Variants in BACH2 observed in about 807,000 individuals in gnomAD.
BACH2 encodes BACH transcriptional regulator 2.
A neutral mutation model predicts 61.8 loss-of-function variants in BACH2; 5 were observed. That is an observed-to-expected ratio of 0.08 (90% CI 0.04 to 0.17). The LOEUF (loss-of-function observed/expected upper bound fraction) is 0.17. Ranked by LOEUF, BACH2 falls within the 10% of genes least tolerant of loss-of-function variation. BACH2 has a pLI of 1.00. For missense variants in BACH2, 824 were observed against 1,091.1 expected (o/e 0.76, Z 3.45); for synonymous variants, 446 against 440.1 (o/e 1.01, Z -0.17).
At position 90,175,184 on chromosome 6, in the gene BACH2, A is replaced by G. The variant is rs2127838944; in HGVS notation, c.-162+31385T>C. Among the ~76,000 whole-genome samples, 2 of 152,218 alleles carry G rather than the reference A, an allele frequency of 1.3e-5. 1 individual carries two copies. Among genetic ancestry groups the G allele is most frequent in the South Asian group, 4.1e-4 (2 of 4,822 alleles). On this transcript the variant is annotated intron_variant, in intron 4 of 8. Coordinates refer to ENST00000257749, the MANE Select transcript of BACH2 (RefSeq NM_021813.4). The stretch of plus-strand genomic sequence containing the variant: ...GTGAACTTTGTTAGAAATGCATTTT[A>G]AAGTCAATGTTACTTCAAGTTGGAA...
intron 6 of BACH2, among the ~76,000 whole-genome samples, chr6:89,996,156 A>G (rs1776836420): frequency 6.6e-6 from 1 of 152,186 alleles, no homozygotes. Context: ...GTAAAGCACT[A>G]CGGATACGTA....
Position 89,927,480 on chromosome 6 carries a change from AAATG to A in BACH2, c.*4924_*4927del. 1 of 152,928 alleles carries A rather than the reference AAATG, an allele frequency of 6.5e-6. No individual in the cohort carries two copies. The highest frequency in any genetic ancestry group is 2.1e-4 in the South Asian group (1 of 4,830). 9.5% of individuals were successfully genotyped at this position (152,928 alleles called of 1,614,324 possible). On this transcript the variant is annotated 3_prime_UTR_variant, in exon 9 of 9. Coordinates refer to ENST00000257749, the MANE Select transcript of BACH2 (RefSeq NM_021813.4). ...TTGGCACTGAATGTGAGTCTACCTG[AAATG>A]AATGGTCTTGGTGCACACTTCTGCT...
intron 6 of BACH2, among the ~76,000 whole-genome samples, chr6:89,960,536 C>T (rs572694911): frequency 2.0e-5 from 3 of 152,362 alleles, no homozygotes; most frequent in South Asian, 2.1e-4. Flanking sequence ...GGATGCAGTA[C>T]ATCTTTTGGT....
intron 1 of BACH2, among the ~76,000 whole-genome samples, chr6:90,275,981 AG>A (rs1771678485): frequency 6.6e-6 from 1 of 150,764 alleles, no homozygotes; most frequent in Non-Finnish European, 1.5e-5. Context: ...AAAAAAAAAA[AG>A]AAAGAAATCA....
At chr6:90,125,977 G>C (rs187696155) in intron 4 of BACH2, among the ~76,000 whole-genome samples, 1 of 152,336 alleles carries the variant, frequency 6.6e-6, no homozygotes, top group East Asian at 1.9e-4. Context: ...TACAGCAAGA[G>C]CACTATGCCA....
chr6:90,273,208 A>T (rs1328221909), intron 1 of BACH2, among the ~76,000 whole-genome samples: 2 of 148,872 alleles, frequency 1.3e-5, no homozygotes, highest in African/African-American at 4.9e-5. Flanking sequence ...GGGAAAAAAA[A>T]TTAGCCAGGC....
At chr6:90,074,980 T>C (rs1040921783) in intron 5 of BACH2, among the ~76,000 whole-genome samples, 4 of 152,176 alleles carry the variant, frequency 2.6e-5, no homozygotes, top group Admixed American at 6.5e-5. Flanking sequence ...GCTAGTTCCG[T>C]TTTAGATGTT....
intron 4 of BACH2, among the ~76,000 whole-genome samples, chr6:90,119,384 C>A (rs1783532655): frequency 6.6e-6 from 1 of 151,990 alleles, no homozygotes; most frequent in Non-Finnish European, 1.5e-5. Context: ...TCACATATAC[C>A]AAAAATCAAC....
intron 5 of BACH2, among the ~76,000 whole-genome samples, chr6:90,033,294 A>G (rs1169982847): frequency 6.6e-6 from 1 of 151,672 alleles, no homozygotes; most frequent in Non-Finnish European, 1.5e-5. Flanking sequence ...CCAACATGGC[A>G]CATGTATACA....
chr6:90,278,354 C>G (rs1450214863), intron 1 of BACH2, among the ~76,000 whole-genome samples: 2 of 152,250 alleles, frequency 1.3e-5, no homozygotes, highest in Non-Finnish European at 2.9e-5. Flanking sequence ...CAGTGCCCAG[C>G]CAAGGCATTC....
rs1777506385 is a variant in BACH2 at position 90,008,004 on chromosome 6, GT to G, written c.243+597del. The stretch of plus-strand genomic sequence containing the variant: ...TACAACTTAAACCATCCAATTAAAT[GT>G]CATCTCTGGACAGACCAGGTCCAGC... On this transcript the variant is annotated intron_variant, in intron 6 of 8. Coordinates refer to ENST00000257749, the MANE Select transcript of BACH2 (RefSeq NM_021813.4). The surrounding 1 kb of genome is among the most constrained non-coding windows in gnomAD (Gnocchi z 4.1). The G allele has an allele frequency of 6.5e-6, 1 of 154,064 alleles. No homozygotes were observed. Among genetic ancestry groups the G allele is most frequent in the Admixed American group, 6.4e-5 (1 of 15,688 alleles). 9.5% of individuals were successfully genotyped at this position (154,064 alleles called of 1,614,324 possible).
chr6:90,172,258 A>C (rs1023504725), intron 4 of BACH2, among the ~76,000 whole-genome samples: 1 of 150,704 alleles, frequency 6.6e-6, no homozygotes, highest in Non-Finnish European at 1.5e-5. Flanking sequence ...GTGAGCCGAG[A>C]TCATGCCATT....
intron 5 of BACH2, among the ~76,000 whole-genome samples, chr6:90,029,522 G>A (rs548492997): frequency 8.5e-5 from 13 of 152,108 alleles, no homozygotes; most frequent in South Asian, 2.1e-4. Flanking sequence ...TCTTTATAAC[G>A]TTTTCACATC....
At chr6:90,183,553 G>C (rs1489595927) in intron 4 of BACH2, among the ~76,000 whole-genome samples, 1 of 152,148 alleles carries the variant, frequency 6.6e-6, no homozygotes, top group Non-Finnish European at 1.5e-5. Context: ...TTAAGACAAT[G>C]GTCATTTATT....
rs138455453 is a variant in BACH2, at chr6:90,215,545, T to C, written c.-274-8864A>G. ...TAACCAATATAATACCTTAGGACTT[T>C]TTGGGGTGGGTGGTCAGAAGTAGGC... On this transcript the variant is annotated intron_variant, in intron 3 of 8. Transcript: ENST00000257749. Among the ~76,000 whole-genome samples the C allele has an allele frequency of 4.5e-3, 680 of 152,102 alleles. 7 individuals are homozygous for C. The highest frequency in any genetic ancestry group is 0.014 in the Middle Eastern group (4 of 294).
At chr6:89,995,707 C>T (rs1352634925) in intron 6 of BACH2, among the ~76,000 whole-genome samples, 5 of 152,156 alleles carry the variant, frequency 3.3e-5, no homozygotes, top group South Asian at 2.1e-4. Context: ...TAAAACAATA[C>T]GTGGCACTAG....
intron 6 of BACH2, among the ~76,000 whole-genome samples, chr6:90,001,741 A>G (rs1240284811): frequency 1.3e-5 from 2 of 152,112 alleles, no homozygotes; most frequent in African/African-American, 4.8e-5. Flanking sequence ...CTCACATTTC[A>G]TCAGCTAGAT....
At chr6:90,240,909 C>T (rs2875584) in intron 3 of BACH2, among the ~76,000 whole-genome samples, 38,820 of 151,754 alleles carry the variant, frequency 0.26, 5,681 homozygotes, top group Non-Finnish European at 0.34. Context: ...CCAAAGCCAA[C>T]AGATATTACT....
At chr6:90,214,426 C>T (rs907317099) in intron 3 of BACH2, among the ~76,000 whole-genome samples, 1 of 152,134 alleles carries the variant, frequency 6.6e-6, no homozygotes, top group African/African-American at 2.4e-5. Context: ...ACTGAAATAA[C>T]AGACAGCCTG....
Sources: gnomAD v4.1 joint callset for allele counts (sites outside exome capture counted in the v4.1 genomes callset) on GRCh38, gnomAD v4.1.1 for gene constraint, Gnocchi (gnomAD v3.1) non-coding constraint, MANE v1.5 for transcripts, NCBI Gene and HGNC (gene_info 2026-07-23, HGNC 2026-07-21) for gene names.